The following MTUS2 variants were observed in gnomAD, a reference collection of about 807,000 sequenced individuals.
MTUS2 encodes microtubule associated scaffold protein 2.
MTUS2 carries 40 observed loss-of-function variants against 114.1 expected under a neutral mutation model. That is an observed-to-expected ratio of 0.35 (90% CI 0.27 to 0.46). The LOEUF is 0.46. MTUS2 is among the 20% of genes least tolerant of loss of function. MTUS2 has a pLI of 1.00. For synonymous variants in MTUS2, 688 were observed against 672.0 expected, an observed-to-expected ratio of 1.02 and a Z score of -0.37; for missense variants, 1,679 against 1,705.4, an observed-to-expected ratio of 0.98 and a Z score of 0.27.
rs146520164 is a variant in MTUS2, at chr13:28,892,694, C to T, written c.-243+52844C>T. Among the ~76,000 whole-genome samples, 10 of 152,230 alleles carry T rather than the reference C, an allele frequency of 6.6e-5. No individual in the cohort carries two copies. In the East Asian group the frequency reaches 1.7e-3, roughly 26 times the overall value. ...TTCTCTTTCTCTCCTTCTCATTCTT[C>T]TCTTTCCCTTATCTCCTGATTTCTG... On this transcript the variant is annotated intron_variant, in intron 2 of 15. Transcript: ENST00000612955.
At chr13:28,873,953 C>G (rs1301338626) in intron 2 of MTUS2, among the ~76,000 whole-genome samples, 1 of 152,162 alleles carries the variant, frequency 6.6e-6, no homozygotes, top group Non-Finnish European at 1.5e-5. Flanking sequence ...CTAATCAACA[C>G]TTGATTAATA....
intron 8 of MTUS2, among the ~76,000 whole-genome samples, chr13:29,386,061 A>G (rs369658844): frequency 6.6e-6 from 1 of 152,252 alleles, no homozygotes; most frequent in East Asian, 1.9e-4. Context: ...GAATGAATGA[A>G]GAAATTTAAA....
At chr13:29,002,318 A>C (rs1386865118) in intron 2 of MTUS2, among the ~76,000 whole-genome samples, 1 of 152,198 alleles carries the variant, frequency 6.6e-6, no homozygotes. Context: ...AGTTTTTAGA[A>C]GGTAGGCTAA....
At chr13:28,848,611 TTGAGTTTCAAAGAA>T (rs1876040718) in intron 2 of MTUS2, among the ~76,000 whole-genome samples, 1 of 152,068 alleles carries the variant, frequency 6.6e-6, no homozygotes, top group African/African-American at 2.4e-5. Flanking sequence ...GGTGTGATTA[TTGAGTTTCAAAGAA>T]AATTAACTTA....
chr13:28,988,446 T>C (rs1464060059), intron 2 of MTUS2, among the ~76,000 whole-genome samples: 1 of 152,252 alleles, frequency 6.6e-6, no homozygotes. Flanking sequence ...TCATTAGTGA[T>C]AATCTTCTAG....
At chr13:28,908,941 T>C (rs977949096) in intron 2 of MTUS2, among the ~76,000 whole-genome samples, 38 of 151,652 alleles carry the variant, frequency 2.5e-4, no homozygotes, top group Non-Finnish European at 8.8e-5. Flanking sequence ...ATTTATTAAA[T>C]AGGGAATCCT....
At chr13:29,301,215 C>G (rs1899191537) in intron 6 of MTUS2, among the ~76,000 whole-genome samples, 1 of 152,198 alleles carries the variant, frequency 6.6e-6, no homozygotes, top group African/African-American at 2.4e-5. Flanking sequence ...CAGCCTGGGC[C>G]TGTTATTCTC....
chr13:29,091,957 G>A lies in MTUS2; in HGVS notation c.2447-8816G>A, dbSNP rs78969546. Reference sequence around the variant, plus strand: ...AGCCAAAGCCTGAGGAAAGACCCCGGTGGAGGTGGTCATTGTCTCAGCATC... The same window carrying A: ...AGCCAAAGCCTGAGGAAAGACCCCGATGGAGGTGGTCATTGTCTCAGCATC... On this transcript the variant is annotated intron_variant, in intron 4 of 15. Coordinates refer to ENST00000612955, the MANE Select transcript of MTUS2 (RefSeq NM_001033602.4). 2.4e-3 allele frequency among the ~76,000 whole-genome samples: 367 copies of A among 152,312 alleles called. 8 individuals carry two copies. The East Asian group carries it at 0.057, about 24-fold the overall frequency.
At chr13:29,094,145 T>C (rs532020935) in intron 4 of MTUS2, among the ~76,000 whole-genome samples, 6 of 152,128 alleles carry the variant, frequency 3.9e-5, no homozygotes, top group Non-Finnish European at 8.8e-5. Context: ...ATAAGAGTTA[T>C]TGATTTATAG....
Position 29,312,580 on chromosome 13 carries a change from G to A in MTUS2, c.2807-12033G>A, listed in dbSNP as rs930942472. 3.3e-5 allele frequency among the ~76,000 whole-genome samples: 5 copies of A among 152,000 alleles called. No homozygotes were observed. In the East Asian group the frequency reaches 5.8e-4, roughly 18 times the overall value. ...AATTAATGGTGAAAATAAATTATTG[G>A]GTAGAAAGAGACAAATAATCCAGAT... On this transcript the variant is annotated intron_variant, in intron 6 of 15. Transcript: ENST00000612955.
At chr13:28,947,653 A>T (rs994581371) in intron 2 of MTUS2, among the ~76,000 whole-genome samples, 33 of 152,186 alleles carry the variant, frequency 2.2e-4, no homozygotes, top group African/African-American at 7.7e-4. Context: ...CCCACTCAGT[A>T]TGTAAAGAAT....
intron 7 of MTUS2, among the ~76,000 whole-genome samples, chr13:29,326,313 C>T (rs145707992): frequency 2.5e-4 from 38 of 152,226 alleles, no homozygotes; most frequent in African/African-American, 8.9e-4. Context: ...TGCTGCAGTG[C>T]TTATGGCTAC....
At chr13:28,930,143 T>C (rs557111466) in intron 2 of MTUS2, among the ~76,000 whole-genome samples, 3 of 152,352 alleles carry the variant, frequency 2.0e-5, no homozygotes, top group Admixed American at 1.3e-4. Context: ...TTTTCCCTTC[T>C]TCAGAATTAT....
intron 2 of MTUS2, among the ~76,000 whole-genome samples, chr13:29,023,001 T>C (rs1036341167): frequency 6.6e-6 from 1 of 152,374 alleles, no homozygotes; most frequent in Middle Eastern, 3.4e-3. Flanking sequence ...TGAAAGTCTT[T>C]TTTTAATTCT....
chr13:28,875,691 G>T (rs1298821245), intron 2 of MTUS2, among the ~76,000 whole-genome samples: 2 of 152,136 alleles, frequency 1.3e-5, no homozygotes, highest in African/African-American at 4.8e-5. Flanking sequence ...GAATATTGAT[G>T]ACCATTTTCA....
intron 5 of MTUS2, among the ~76,000 whole-genome samples, chr13:29,240,660 C>T (rs1276036627): frequency 6.6e-6 from 1 of 152,134 alleles, no homozygotes; most frequent in East Asian, 1.9e-4. Flanking sequence ...AGTGTGTTAT[C>T]ATCTGAGGGT....
chr13:28,953,606 T>G (rs994894781), intron 2 of MTUS2, among the ~76,000 whole-genome samples: 1 of 152,268 alleles, frequency 6.6e-6, no homozygotes, highest in Non-Finnish European at 1.5e-5. Context: ...TGATATCTTT[T>G]GCTTTTGCAA....
chr13:29,424,823 G>C (rs1175199658), intron 8 of MTUS2, among the ~76,000 whole-genome samples: 1 of 152,124 alleles, frequency 6.6e-6, no homozygotes, highest in Non-Finnish European at 1.5e-5. Flanking sequence ...CAAGTCAATG[G>C]CATGGCAGCA....
rs770853906 is a variant in MTUS2, at chr13:29,025,400, T to C, written c.702T>C (p.Ser234=). ...AVPAAFPATD[S]TSEGKSVRHP... ...CGGCAGCTTTCCCTGCAACTGACAG[T>C]ACCTCAGAGGGAAAGAGTGTGCGTC... The change falls in exon 3 of 16, where the codon AGT becomes AGC. Residue 234 remains serine (S), a synonymous_variant. Coordinates refer to ENST00000612955, the MANE Select transcript of MTUS2 (RefSeq NM_001033602.4). The C allele has an allele frequency of 1.9e-6, 3 of 1,613,680 alleles. No individual in the cohort carries two copies. In the African/African-American group the frequency reaches 4.0e-5, roughly 22 times the overall value.
Sources: allele counts gnomAD v4.1 joint callset (sites outside exome capture counted in the v4.1 genomes callset), GRCh38; gene constraint gnomAD v4.1.1; transcripts MANE v1.5; gene names NCBI Gene and HGNC (gene_info 2026-07-23, HGNC 2026-07-21).